AKAP7: variants seen among roughly 807,000 people sequenced by gnomAD.
AKAP7 encodes A kinase (PRKA) anchor protein 7.
AKAP7 carries 39 observed loss-of-function variants against 39.5 expected under a neutral mutation model. The ratio of observed to expected loss-of-function variants is 0.99; its 90% CI spans 0.76 to 1.29. The LOEUF is 1.29. Ranked by LOEUF, AKAP7 falls within the 50% of genes most tolerant of loss-of-function variation. AKAP7 has a pLI of 0.00. For synonymous variants in AKAP7, 140 were observed against 139.1 expected (o/e 1.01, Z -0.05); for missense variants, 414 against 407.7 (o/e 1.02, Z -0.13).
intron 5 of AKAP7, among the ~76,000 whole-genome samples, chr6:131,188,228 A>T (rs958624413): frequency 1.3e-4 from 5 of 39,030 alleles, no homozygotes; most frequent in African/African-American, 9.3e-4. Flanking sequence ...GTCAGCCTTT[A>T]TATTGAAACA....
intron 2 of AKAP7, among the ~76,000 whole-genome samples, chr6:131,156,869 G>T (rs772324241): frequency 1.3e-5 from 2 of 151,830 alleles, no homozygotes; most frequent in South Asian, 4.2e-4. Flanking sequence ...CCGCCTCCCG[G>T]GTTCACGCCA....
At position 131,282,301 on chromosome 6, in the gene AKAP7, A is replaced by C. The variant is rs1328146117; in HGVS notation, c.*575A>C. ...TTGGTGAAATGCAACCTTTTCTATA[A>C]AATGTGGGCAACATTTTAAAGTTTT... On this transcript the variant is annotated 3_prime_UTR_variant, in exon 8 of 8. Coordinates refer to ENST00000431975, the MANE Select transcript of AKAP7 (RefSeq NM_016377.4). The C allele has an allele frequency of 7.4e-7, 1 of 1,358,066 alleles. No homozygotes were observed. The highest frequency in any genetic ancestry group is 9.4e-7 in the Non-Finnish European group (1 of 1,059,602). 84.1% of individuals were successfully genotyped at this position (1,358,066 alleles called of 1,614,324 possible).
chr6:131,170,675 A>G (rs1199315961), intron 5 of AKAP7, among the ~76,000 whole-genome samples: 1 of 152,200 alleles, frequency 6.6e-6, no homozygotes, highest in African/African-American at 2.4e-5. Context: ...TACATTTGGC[A>G]GGGAGTGAGG....
intron 6 of AKAP7, among the ~76,000 whole-genome samples, chr6:131,202,002 A>T (rs1331731189): frequency 6.6e-6 from 1 of 152,232 alleles, no homozygotes; most frequent in Non-Finnish European, 1.5e-5. Context: ...CAAAAAACAC[A>T]TGAAAAAATG....
chr6:131,169,482 A>G (rs62422441), intron 5 of AKAP7, among the ~76,000 whole-genome samples: 2,030 of 152,352 alleles, frequency 0.013, 35 homozygotes, highest in Admixed American at 0.04. Context: ...GTACTGAATC[A>G]ATGAATAGGA....
intron 6 of AKAP7, among the ~76,000 whole-genome samples, chr6:131,205,208 C>G (rs188280353): frequency 6.6e-6 from 1 of 151,922 alleles, no homozygotes; most frequent in African/African-American, 2.4e-5. Flanking sequence ...TTTTAATCAT[C>G]TAGTCATTGT....
intron 7 of AKAP7, chr6:131,252,917 C>G (rs1812550893): frequency 1.0e-6 from 1 of 959,130 alleles, no homozygotes. Flanking sequence ...CTCACTTCTT[C>G]TAATTCTGTA....
intron 1 of AKAP7, 69 bp downstream of exon 1, chr6:131,135,851 C>A: frequency 8.2e-7 from 1 of 1,220,328 alleles, no homozygotes; most frequent in South Asian, 4.1e-5. Flanking sequence ...GCCTGCTCTG[C>A]GCTCGAACTT....
At chr6:131,232,409 CA>C (rs921408012) in intron 7 of AKAP7, among the ~76,000 whole-genome samples, 1 of 152,138 alleles carries the variant, frequency 6.6e-6, no homozygotes, top group African/African-American at 2.4e-5. Context: ...TAATAGTTGC[CA>C]AAAGTTATGG....
intron 1 of AKAP7, chr6:131,137,777 T>C (rs1800690371): frequency 6.6e-6 from 1 of 152,234 alleles, no homozygotes; most frequent in Non-Finnish European, 1.5e-5. Flanking sequence ...ATACTTAAAA[T>C]GTATGTATTG....
intron 7 of AKAP7, among the ~76,000 whole-genome samples, chr6:131,220,808 C>T (rs1335063977): frequency 6.6e-6 from 1 of 151,938 alleles, no homozygotes; most frequent in Non-Finnish European, 1.5e-5. Flanking sequence ...TTATGGTGAT[C>T]AGTGATCTTT....
chr6:131,132,794 A>G (rs1800355724), upstream of AKAP7, among the ~76,000 whole-genome samples: 1 of 152,220 alleles, frequency 6.6e-6, no homozygotes, highest in Non-Finnish European at 1.5e-5. Context: ...CCTTGCAGTG[A>G]TGATATAGCT....
intron 7 of AKAP7, among the ~76,000 whole-genome samples, chr6:131,229,512 C>G (rs565133797): frequency 6.6e-5 from 10 of 152,186 alleles, no homozygotes; most frequent in African/African-American, 2.4e-4. Context: ...CAGTACCTGG[C>G]TAATTTTGGT....
intron 7 of AKAP7, among the ~76,000 whole-genome samples, chr6:131,221,481 G>A (rs1809692624): frequency 6.6e-6 from 1 of 152,194 alleles, no homozygotes; most frequent in Non-Finnish European, 1.5e-5. Flanking sequence ...TGATGAAGGT[G>A]GCTGCTCAAA....
chr6:131,135,855 C>T (rs529025310), intron 1 of AKAP7, 73 bp downstream of exon 1: 115 of 1,220,906 alleles, frequency 9.4e-5, no homozygotes, highest in Non-Finnish European at 1.1e-4. Flanking sequence ...GCTCTGCGCT[C>T]GAACTTTGGG....
chr6:131,151,381 G>GTTT (rs111997888), intron 2 of AKAP7, among the ~76,000 whole-genome samples: 1,481 of 143,788 alleles, frequency 0.01, 18 homozygotes, highest in African/African-American at 0.025. Flanking sequence ...AGAAGGTAAG[G>GTTT]TTTTTTTTTT....
At chr6:131,276,338 G>A (rs1814740205) in intron 7 of AKAP7, among the ~76,000 whole-genome samples, 1 of 152,062 alleles carries the variant, frequency 6.6e-6, no homozygotes, top group African/African-American at 2.4e-5. Context: ...TGTTTCCTGG[G>A]GTACTGCAGC....
Position 131,135,754 on chromosome 6 carries a change from C to T in AKAP7, c.-10C>T. 1 of 1,228,230 alleles carries T rather than the reference C, an allele frequency of 8.1e-7. No individual in the cohort carries two copies. The highest frequency in any genetic ancestry group is 1.0e-6 in the Non-Finnish European group (1 of 987,534). The allele number at this position is 1,228,230 out of a possible 1,614,324, so 76.1% of individuals were successfully genotyped here. A position where few individuals can be genotyped will look rare whatever the true frequency, so the allele number is the denominator to read the frequency against. On this transcript the variant is annotated 5_prime_UTR_variant, in exon 1 of 8. Coordinates refer to ENST00000431975, the MANE Select transcript of AKAP7 (RefSeq NM_016377.4). ...CCAGCCCAGACGCGCCGCCCGCATG[C>T]GCCGCGACCATGGAGCGCCCCGAAG...
intron 7 of AKAP7, among the ~76,000 whole-genome samples, chr6:131,227,263 G>T (rs1472974840): frequency 6.6e-6 from 1 of 152,174 alleles, no homozygotes; most frequent in Non-Finnish European, 1.5e-5. Context: ...CAATGAAAGA[G>T]AAGCAATGGA....
Sources: gnomAD v4.1 joint callset for allele counts (sites outside exome capture counted in the v4.1 genomes callset) on GRCh38, gnomAD v4.1.1 for gene constraint, MANE v1.5 for transcripts, NCBI Gene and HGNC (gene_info 2026-07-23, HGNC 2026-07-21) for gene names.